The following GALNT13 variants were observed in gnomAD, a reference collection of about 807,000 sequenced individuals.
GALNT13 encodes polypeptide N-acetylgalactosaminyltransferase 13, also known as UDP-GalNAc:polypeptide N-acetylgalactosaminyltransferase 13.
GALNT13 carries 28 observed loss-of-function variants against 64.2 expected under a neutral mutation model. The ratio of observed to expected loss-of-function variants is 0.44; its 90% confidence interval spans 0.32 to 0.60. The LOEUF is 0.60. Among genes scored for constraint, GALNT13 ranks in the 20% least tolerant of loss-of-function variants. The pLI is 0.05. For synonymous variants in GALNT13, 214 were observed against 224.6 expected (o/e 0.95, Z 0.42); for missense variants, 577 against 669.8 (o/e 0.86, Z 1.53).
the GALNT13 span, among the ~76,000 whole-genome samples, chr2:153,585,023 T>A: frequency 6.6e-6 from 1 of 152,090 alleles, no homozygotes; most frequent in South Asian, 2.1e-4. Flanking sequence ...AGCAAAGACA[T>A]ATGACACCCT....
At chr2:153,079,508 G>A in the GALNT13 span, among the ~76,000 whole-genome samples, 1 of 152,026 alleles carries the variant, frequency 6.6e-6, no homozygotes, top group South Asian at 2.1e-4. Context: ...GTATCTGATT[G>A]GTTTAATTTC....
the GALNT13 span, among the ~76,000 whole-genome samples, chr2:153,081,967 T>A: frequency 1.2e-4 from 19 of 152,328 alleles, no homozygotes; most frequent in Admixed American, 1.2e-3. Flanking sequence ...ATAGTGGTCT[T>A]ACTAATTTAC....
intron 3 of GALNT13, among the ~76,000 whole-genome samples, chr2:154,118,331 G>A (rs1223978263): frequency 2.3e-5 from 3 of 127,976 alleles, no homozygotes; most frequent in East Asian, 4.6e-4. Context: ...TTTTTTTTAA[G>A]TATAACTATG....
chr2:153,424,392 A>G, the GALNT13 span, among the ~76,000 whole-genome samples: 1 of 151,686 alleles, frequency 6.6e-6, no homozygotes, highest in Non-Finnish European at 1.5e-5. Context: ...AGTTCAGAAA[A>G]CCAAAACTCA....
intron 9 of GALNT13, among the ~76,000 whole-genome samples, chr2:154,385,972 A>G (rs962348228): frequency 1.4e-4 from 21 of 152,226 alleles, no homozygotes; most frequent in Non-Finnish European, 2.5e-4. Context: ...ACAAAATGCA[A>G]AACAATAGCA....
At chr2:153,364,422 A>G in the GALNT13 span, among the ~76,000 whole-genome samples, 44 of 151,766 alleles carry the variant, frequency 2.9e-4, no homozygotes, top group African/African-American at 1.0e-3. Context: ...AAGAATTCAG[A>G]TAGAAAAAAA....
the GALNT13 span, among the ~76,000 whole-genome samples, chr2:153,380,546 G>A: frequency 2.6e-5 from 4 of 151,900 alleles, no homozygotes; most frequent in Non-Finnish European, 5.9e-5. Flanking sequence ...TTTATTATAT[G>A]AGGGACTTGA....
At chr2:153,511,007 CAAGAGGG>C in the GALNT13 span, among the ~76,000 whole-genome samples, 11 of 151,964 alleles carry the variant, frequency 7.2e-5, no homozygotes, top group Admixed American at 3.3e-4. Flanking sequence ...CTAGGAGTTA[CAAGAGGG>C]AGCGAGAGAA....
chr2:153,283,644 C>T, the GALNT13 span, among the ~76,000 whole-genome samples: 2 of 152,176 alleles, frequency 1.3e-5, no homozygotes, highest in East Asian at 3.9e-4. Context: ...TGGGTCAGCT[C>T]CGGTTGCTTA....
the GALNT13 span, among the ~76,000 whole-genome samples, chr2:153,655,099 T>C: frequency 1.3e-5 from 2 of 152,156 alleles, no homozygotes; most frequent in Non-Finnish European, 2.9e-5. Flanking sequence ...AGAGGTATTA[T>C]TGAAGTAACT....
At chr2:153,883,619 T>A (rs1480039742) in intron 1 of GALNT13, among the ~76,000 whole-genome samples, 2 of 152,050 alleles carry the variant, frequency 1.3e-5, no homozygotes, top group Admixed American at 6.6e-5. Context: ...GTGAACAAAT[T>A]GTGTTGTTTC....
chr2:153,843,035 G>T, the GALNT13 span, among the ~76,000 whole-genome samples: 600 of 150,244 alleles, frequency 4.0e-3, 4 homozygotes, highest in African/African-American at 0.014. Context: ...ATATATTATA[G>T]AAAATGTCCT....
At chr2:154,434,089 C>T (rs773194799) in intron 11 of GALNT13, among the ~76,000 whole-genome samples, 3 of 152,204 alleles carry the variant, frequency 2.0e-5, no homozygotes, top group Admixed American at 6.5e-5. Flanking sequence ...GTGGCCTCAG[C>T]AGAAACCAAC....
the GALNT13 span, among the ~76,000 whole-genome samples, chr2:153,113,691 A>G: frequency 6.6e-6 from 1 of 152,102 alleles, no homozygotes; most frequent in East Asian, 1.9e-4. Flanking sequence ...TTACATACTA[A>G]GAAATGTGTT....
At chr2:154,397,418 G>A (rs536355833) in intron 10 of GALNT13, among the ~76,000 whole-genome samples, 4 of 152,150 alleles carry the variant, frequency 2.6e-5, no homozygotes, top group Non-Finnish European at 5.9e-5. Flanking sequence ...CAGCCTGGGC[G>A]ACAGAGTGAG....
At chr2:154,132,894 C>CAAA (rs5835498) in intron 3 of GALNT13, among the ~76,000 whole-genome samples, 45 of 132,508 alleles carry the variant, frequency 3.4e-4, no homozygotes, top group African/African-American at 1.1e-3. Flanking sequence ...GACTCTGTCT[C>CAAA]AAAAAAAAAA....
At chr2:153,203,346 A>G in the GALNT13 span, among the ~76,000 whole-genome samples, 1 of 152,216 alleles carries the variant, frequency 6.6e-6, no homozygotes, top group Non-Finnish European at 1.5e-5. Context: ...ATAAATTGAA[A>G]GCAATATAAC....
chr2:153,814,406 C>G, the GALNT13 span, among the ~76,000 whole-genome samples: 4 of 152,082 alleles, frequency 2.6e-5, no homozygotes, highest in Non-Finnish European at 4.4e-5. Context: ...CGCCACTGCA[C>G]TCCAGCCTGG....
chr2:153,136,718 C>A, the GALNT13 span, among the ~76,000 whole-genome samples: 1 of 152,022 alleles, frequency 6.6e-6, no homozygotes, highest in Non-Finnish European at 1.5e-5. Flanking sequence ...CATGGAAAGA[C>A]AGAGACGTTA....
Sources: gnomAD v4.1 joint callset for allele counts (sites outside exome capture counted in the v4.1 genomes callset) on GRCh38, gnomAD v4.1.1 for gene constraint, MANE v1.5 for transcripts, NCBI Gene and HGNC (gene_info 2026-07-23, HGNC 2026-07-21) for gene names.